Variants in COG5 observed in about 807,000 individuals in gnomAD.
COG5 encodes the protein conserved oligomeric Golgi complex subunit 5.
In COG5, 86 loss-of-function variants were observed where a neutral mutation model predicts 110.4. That is an observed-to-expected ratio of 0.78 (90% CI 0.65 to 0.93). The LOEUF (loss-of-function observed/expected upper bound fraction) is 0.93, where lower values mean the gene tolerates loss of function less well. Ranked by LOEUF, COG5 falls within the 40% of genes least tolerant of loss-of-function variation. The pLI is 0.00. For missense variants in COG5, 1,077 were observed against 987.0 expected (o/e 1.09, Z -1.22); for synonymous variants, 360 against 334.6 (o/e 1.08, Z -0.83).
At chr7:107,541,496 CAAAAA>C (rs869244428) in intron 5 of COG5, among the ~76,000 whole-genome samples, 11 of 31,952 alleles carry the variant, frequency 3.4e-4, no homozygotes, top group Admixed American at 2.4e-3. Context: ...GACCCTGTCT[CAAAAA>C]AAAAAAAAAA....
chr7:107,558,914 C>CAAAAAAAAAA (rs34483652), intron 1 of COG5, among the ~76,000 whole-genome samples: 1 of 31,174 alleles, frequency 3.2e-5, no homozygotes, highest in African/African-American at 8.5e-5. Context: ...GACTTCATCT[C>CAAAAAAAAAA]AAAAAAAAAA....
At chr7:107,355,801 G>A (rs1415158755) in intron 10 of COG5, among the ~76,000 whole-genome samples, 1 of 152,196 alleles carries the variant, frequency 6.6e-6, no homozygotes, top group Non-Finnish European at 1.5e-5. Context: ...AGGTAGAAAG[G>A]AATTTTTTGG....
intron 11 of COG5, among the ~76,000 whole-genome samples, chr7:107,300,932 G>C (rs1422900732): frequency 6.6e-6 from 1 of 152,050 alleles, no homozygotes; most frequent in East Asian, 1.9e-4. Flanking sequence ...TAATACACTA[G>C]TACTGGGGTA....
chr7:107,516,005 T>A (rs1462964348), intron 6 of COG5, among the ~76,000 whole-genome samples: 2 of 152,208 alleles, frequency 1.3e-5, no homozygotes, highest in African/African-American at 4.8e-5. Context: ...GTAATGCCTA[T>A]CTAAATTTTC....
At chr7:107,520,345 G>A (rs1477427354) in intron 6 of COG5, among the ~76,000 whole-genome samples, 1 of 152,182 alleles carries the variant, frequency 6.6e-6, no homozygotes, top group African/African-American at 2.4e-5. Flanking sequence ...AGGAAGAGAG[G>A]AAGTCAAATT....
At chr7:107,281,591 C>T (rs1805170346) in intron 13 of COG5, among the ~76,000 whole-genome samples, 192 bp from the exon 14 acceptor site, 1 of 152,092 alleles carries the variant, frequency 6.6e-6, no homozygotes, top group African/African-American at 2.4e-5. Flanking sequence ...CTGGAGATGG[C>T]TTCCTTAATG....
rs1481104744 is a variant in COG5 at position 107,210,592 on chromosome 7, G to A, written c.2309C>T (p.Ser770Phe). The A allele has an allele frequency of 6.2e-7, 1 of 1,602,568 alleles. No individual in the cohort carries two copies. The highest frequency in any genetic ancestry group is 1.7e-4 in the Middle Eastern group (1 of 5,996). Reference sequence around the variant, plus strand: ...CAGCCACTGAGAGAAGCGTGTGTGGGACCACTCTGCCCTCTGCAGGGTTGA... The same window carrying A: ...CAGCCACTGAGAGAAGCGTGTGTGGAACCACTCTGCCCTCTGCAGGGTTGA... ...LKSPFQRAEW[S>F]HTRFSQWLDD... The change falls in exon 21 of 22, where the codon TCC becomes TTC. Residue 770 changes from serine to phenylalanine, a missense_variant. Ser to Phe is a radical substitution (Grantham distance 155, BLOSUM62 -2). Coordinates refer to ENST00000297135, the MANE Select transcript of COG5 (RefSeq NM_006348.5).
At position 107,270,882 on chromosome 7, in the gene COG5, C is replaced by CTTTTTTT. The variant is rs56971368; in HGVS notation, c.1575+10411_1575+10417dup. ...TTATACTTCATTATCCTAACTAGAA[C>CTTTTTTT]TTTTTTTTTTTTTTTTTTTTTTTTT... On this transcript the variant is annotated intron_variant, in intron 14 of 21. Transcript: ENST00000297135. 9.9e-3 allele frequency among the ~76,000 whole-genome samples: 680 copies of CTTTTTTT among 68,750 alleles called. 130 individuals are homozygous for CTTTTTTT. Among genetic ancestry groups the CTTTTTTT allele is most frequent in the Admixed American group, 0.012 (65 of 5,258 alleles). 45.1% of individuals were successfully genotyped at this position (68,750 alleles called of 152,430 possible).
intron 5 of COG5, among the ~76,000 whole-genome samples, chr7:107,529,024 T>TTAAAAAAAAAAA (rs769481378): frequency 3.8e-4 from 37 of 97,840 alleles, no homozygotes; most frequent in African/African-American, 1.8e-3. Context: ...AATACTTAAA[T>TTAAAAAAAAAAA]AAAAAAAAAA....
At position 107,553,528 on chromosome 7, in the gene COG5, G is replaced by A. The variant is rs181542441; in HGVS notation, c.292+757C>T. On this transcript the variant is annotated intron_variant, in intron 3 of 21. Coordinates refer to ENST00000297135, the MANE Select transcript of COG5 (RefSeq NM_006348.5). ...TCTCCTTAAGAATTTGATCAACATC[G>A]AGAAAAACCCCTTACCTTTCTTCTG... Among the ~76,000 whole-genome samples, 247 of 152,002 alleles carry A rather than the reference G, an allele frequency of 1.6e-3. 1 individual carries two copies. Among genetic ancestry groups the A allele is most frequent in the Non-Finnish European group, 1.8e-3 (124 of 67,970 alleles).
intron 6 of COG5, among the ~76,000 whole-genome samples, chr7:107,453,201 A>C (rs1269260777): frequency 1.3e-5 from 2 of 152,226 alleles, no homozygotes; most frequent in Admixed American, 6.5e-5. Context: ...AGGTCTACAA[A>C]ATAAAAGTGA....
intron 6 of COG5, among the ~76,000 whole-genome samples, chr7:107,478,176 A>G (rs191966840): frequency 2.6e-4 from 39 of 152,090 alleles, no homozygotes; most frequent in Middle Eastern, 3.4e-3. Context: ...GATGAGCTCA[A>G]CAAGATGTGG....
rs553067865 is a variant in COG5 at position 107,443,863 on chromosome 7, G to A, written c.539-31231C>T. 5.9e-5 allele frequency among the ~76,000 whole-genome samples: 9 copies of A among 152,146 alleles called. No individual in the cohort carries two copies. In the East Asian group the frequency reaches 1.2e-3, roughly 20 times the overall value. On this transcript the variant is annotated intron_variant, in intron 6 of 21. Transcript: ENST00000297135. ...TTATATATTTCATATATTCTCTACC[G>A]TCTTCTAGGTGAGCTATAAATGAGA...
intron 6 of COG5, among the ~76,000 whole-genome samples, chr7:107,524,719 C>T (rs569045102): frequency 1.3e-5 from 2 of 152,294 alleles, no homozygotes; most frequent in Admixed American, 1.3e-4. Flanking sequence ...TTAAATCACA[C>T]ATCATCTGCA....
At chr7:107,239,272 T>TA (rs1801436381) in intron 17 of COG5, among the ~76,000 whole-genome samples, 1 of 152,236 alleles carries the variant, frequency 6.6e-6, no homozygotes, top group African/African-American at 2.4e-5. Flanking sequence ...ATCAATTGAC[T>TA]ATAAATGTGT....
chr7:107,348,125 CAAAAAAAAAAAAA>C (rs34140927), intron 10 of COG5, among the ~76,000 whole-genome samples: 1 of 51,234 alleles, frequency 2.0e-5, no homozygotes, highest in African/African-American at 8.8e-5. Flanking sequence ...GACTCCATCT[CAAAAAAAAAAAAA>C]AAAAAAAAAA....
In COG5 at chr7:107,272,298, G is replaced by T. The variant is rs185573125; in HGVS notation, c.1575+9002C>A. Among the ~76,000 whole-genome samples, 481 of 152,248 alleles carry T rather than the reference G, an allele frequency of 3.2e-3. 2 individuals are homozygous for T. The highest frequency in any genetic ancestry group is 0.01 in the Middle Eastern group (3 of 294). On this transcript the variant is annotated intron_variant, in intron 14 of 21. Coordinates refer to ENST00000297135, the MANE Select transcript of COG5 (RefSeq NM_006348.5). ...ATTCAGAAACTCAAAAGAATGCAAC[G>T]ATTTATTTCTTATCTACCTGTGATC...
chr7:107,427,544 A>G (rs1392780257), intron 6 of COG5, among the ~76,000 whole-genome samples: 1 of 151,958 alleles, frequency 6.6e-6, no homozygotes, highest in Non-Finnish European at 1.5e-5. Context: ...TTTACTTGGA[A>G]GCAGGGTTTT....
At chr7:107,291,460 ATCT>A (rs1806166003) in intron 12 of COG5, among the ~76,000 whole-genome samples, 1 of 152,054 alleles carries the variant, frequency 6.6e-6, no homozygotes, top group Admixed American at 6.6e-5. Flanking sequence ...TTTGCTTTTT[ATCT>A]GTTTAGTGAT....
Sources: gnomAD v4.1 joint callset for allele counts (sites outside exome capture counted in the v4.1 genomes callset) on GRCh38, gnomAD v4.1.1 for gene constraint, MANE v1.5 for transcripts, NCBI Gene and HGNC (gene_info 2026-07-23, HGNC 2026-07-21) for gene names.